Variants in EDIL3 observed in about 807,000 individuals in gnomAD.
EDIL3 encodes EGF-like repeat and discoidin I-like domain-containing protein 3.
EDIL3 carries 37 observed loss-of-function variants against 67.4 expected under a neutral mutation model. The observed-to-expected ratio is 0.55, with a 90% CI of 0.42 to 0.72. The LOEUF (loss-of-function observed/expected upper bound fraction) is 0.72. Among genes scored for constraint, EDIL3 ranks in the 30% least tolerant of loss-of-function variants. EDIL3 has a pLI of 0.00. For synonymous variants in EDIL3, 195 were observed against 196.3 expected (o/e 0.99, Z 0.05); for missense variants, 527 against 586.3 (o/e 0.90, Z 1.04).
intron 3 of EDIL3, chr5:84,181,289 G>A (rs990339483): frequency 6.6e-6 from 1 of 152,176 alleles, no homozygotes; most frequent in African/African-American, 2.4e-5. Flanking sequence ...CCAGGAGTGT[G>A]GTTAGCTGAC....
chr5:84,069,664 G>A (rs897436785), intron 6 of EDIL3, among the ~76,000 whole-genome samples: 3 of 152,196 alleles, frequency 2.0e-5, no homozygotes, highest in East Asian at 1.9e-4. Context: ...TATAAAAGCC[G>A]ATAATCATAA....
chr5:84,160,113 T>C (rs144087178), intron 4 of EDIL3, among the ~76,000 whole-genome samples: 332 of 152,282 alleles, frequency 2.2e-3, no homozygotes, highest in Admixed American at 4.6e-3. Context: ...TTTGTAGAAC[T>C]ACTACTCCTT....
chr5:84,326,225 A>G (rs1746754220), intron 1 of EDIL3, among the ~76,000 whole-genome samples: 2 of 152,088 alleles, frequency 1.3e-5, no homozygotes, highest in Admixed American at 1.3e-4. Context: ...TGGGCTTCCT[A>G]GCTTCCAAAA....
intron 9 of EDIL3, among the ~76,000 whole-genome samples, chr5:83,980,311 T>C (rs1253675366): frequency 6.6e-6 from 1 of 152,028 alleles, no homozygotes; most frequent in East Asian, 1.9e-4. Flanking sequence ...GTTTATTATT[T>C]ACTATAAAAC....
intron 6 of EDIL3, among the ~76,000 whole-genome samples, chr5:84,082,837 A>G (rs1746994671): frequency 6.6e-6 from 1 of 152,160 alleles, no homozygotes; most frequent in Non-Finnish European, 1.5e-5. Context: ...ACCTAAAGGT[A>G]GCTGCTAGGA....
intron 9 of EDIL3, among the ~76,000 whole-genome samples, chr5:83,980,248 T>C (rs1009848228): frequency 1.3e-5 from 2 of 152,088 alleles, no homozygotes; most frequent in Admixed American, 6.6e-5. Context: ...TGTTTTTTTT[T>C]TGTTTTTGTT....
At chr5:84,028,018 T>A (rs535564810) in intron 9 of EDIL3, among the ~76,000 whole-genome samples, 2 of 152,304 alleles carry the variant, frequency 1.3e-5, no homozygotes, top group Admixed American at 1.3e-4. Flanking sequence ...CCATATTTTA[T>A]ATGAACTCCA....
intron 3 of EDIL3, among the ~76,000 whole-genome samples, chr5:84,217,381 G>A (rs866885808): frequency 8.6e-5 from 13 of 151,992 alleles, no homozygotes; most frequent in Admixed American, 5.2e-4. Context: ...AATTTTACAC[G>A]TCAATTTGAC....
intron 6 of EDIL3, among the ~76,000 whole-genome samples, chr5:84,083,204 A>T (rs555451875): frequency 7.9e-5 from 12 of 152,344 alleles, no homozygotes; most frequent in African/African-American, 2.9e-4. Context: ...GTGAATAGAT[A>T]CTGAAATTTG....
chr5:84,086,031 G>T (rs573726060), intron 6 of EDIL3, among the ~76,000 whole-genome samples: 2 of 152,256 alleles, frequency 1.3e-5, no homozygotes, highest in East Asian at 3.9e-4. Flanking sequence ...AACCCAGGTG[G>T]ACTTCATTCA....
Position 84,300,273 on chromosome 5 carries a change from T to G in EDIL3, c.68-46061A>C, listed in dbSNP as rs1279232184. 2.6e-5 allele frequency among the ~76,000 whole-genome samples: 4 copies of G among 152,116 alleles called. No individual in the cohort carries two copies. In the East Asian group the frequency reaches 7.7e-4, roughly 29 times the overall value. ...ACTATTCTCCCATAATCACATCCCC[T>G]CTCCTCTGAATTGAATTCAGGTGGG... On this transcript the variant is annotated intron_variant, in intron 1 of 10. Coordinates refer to ENST00000296591, the MANE Select transcript of EDIL3 (RefSeq NM_005711.5).
chr5:84,183,086 T>G (rs902314397), intron 3 of EDIL3, among the ~76,000 whole-genome samples: 4 of 152,164 alleles, frequency 2.6e-5, no homozygotes, highest in African/African-American at 9.7e-5. Flanking sequence ...CCTCACAAAT[T>G]AATTAACATT....
chr5:84,317,882 T>G (rs1266489577), intron 1 of EDIL3, among the ~76,000 whole-genome samples: 1 of 152,210 alleles, frequency 6.6e-6, no homozygotes, highest in African/African-American at 2.4e-5. Context: ...TGTCTCTGTT[T>G]GCAGATGACA....
intron 1 of EDIL3, among the ~76,000 whole-genome samples, chr5:84,302,799 A>G (rs1746186676): frequency 6.6e-6 from 1 of 152,230 alleles, no homozygotes; most frequent in East Asian, 1.9e-4. Flanking sequence ...AATAGTAAAA[A>G]CTAAAGTATT....
chr5:83,980,230 G>C (rs1744946049), intron 9 of EDIL3, among the ~76,000 whole-genome samples: 1 of 149,240 alleles, frequency 6.7e-6, no homozygotes. Context: ...AGCTTAACTT[G>C]AGGTGTGTGT....
chr5:84,171,494 G>T (rs1162089770), intron 4 of EDIL3, among the ~76,000 whole-genome samples: 1 of 152,144 alleles, frequency 6.6e-6, no homozygotes, highest in Non-Finnish European at 1.5e-5. Flanking sequence ...TGCAGGGGGT[G>T]GATCCGATTA....
chr5:84,266,819 C>T (rs778564580), intron 1 of EDIL3, among the ~76,000 whole-genome samples: 2 of 152,126 alleles, frequency 1.3e-5, no homozygotes, highest in Non-Finnish European at 2.9e-5. Flanking sequence ...ATTTCATATA[C>T]CCTTGGATTC....
intron 1 of EDIL3, among the ~76,000 whole-genome samples, chr5:84,261,629 T>C (rs1745223856): frequency 6.6e-6 from 1 of 152,184 alleles, no homozygotes; most frequent in African/African-American, 2.4e-5. Context: ...AATAATTATA[T>C]CTTCATTGAT....
chr5:84,017,477 A>G (rs1037274501), intron 9 of EDIL3, among the ~76,000 whole-genome samples: 1 of 152,220 alleles, frequency 6.6e-6, no homozygotes, highest in Non-Finnish European at 1.5e-5. Context: ...ATGAGCAAAT[A>G]TAATTATTCT....
Sources: allele counts gnomAD v4.1 joint callset (sites outside exome capture counted in the v4.1 genomes callset), GRCh38; gene constraint gnomAD v4.1.1; transcripts MANE v1.5; gene names NCBI Gene and HGNC (gene_info 2026-07-23, HGNC 2026-07-21).